TENM1: variants seen among roughly 807,000 people sequenced by gnomAD.
TENM1 encodes the protein teneurin transmembrane protein 1.
In TENM1, 35 loss-of-function variants were observed where a neutral mutation model predicts 174.8. The observed-to-expected ratio is 0.20, with a 90% CI of 0.15 to 0.27. The LOEUF (loss-of-function observed/expected upper bound fraction) is 0.27, where lower values mean the gene tolerates loss of function less well. TENM1 is among the 10% of genes least tolerant of loss of function. TENM1 has a pLI of 1.00. For synonymous variants in TENM1, 781 were observed against 798.7 expected, an observed-to-expected ratio of 0.98 and a Z score of 0.37; for missense variants, 1,633 against 2,130.1, an observed-to-expected ratio of 0.77 and a Z score of 4.59.
chrX:124,789,959 G>A (rs1432307737), intron 3 of TENM1, among the ~76,000 whole-genome samples: 1 of 111,721 alleles, frequency 9.0e-6, no homozygotes, highest in East Asian at 2.8e-4. Context: ...ACCCAAGACT[G>A]GGCAATTTAC....
chrX:124,833,309 G>T (rs1301932380), intron 3 of TENM1, among the ~76,000 whole-genome samples: 1 of 112,124 alleles, frequency 8.9e-6, no homozygotes, highest in Non-Finnish European at 1.9e-5. Context: ...TGCCCAGAAA[G>T]ATAATGAGTT....
chrX:125,164,898 A>G, the TENM1 span, among the ~76,000 whole-genome samples: 2 of 111,636 alleles, frequency 1.8e-5, no homozygotes, highest in Non-Finnish European at 3.8e-5. Flanking sequence ...GAAAAGGAAT[A>G]TGGCTTACAT....
At chrX:124,909,470 A>C (rs953769584) in intron 1 of TENM1, among the ~76,000 whole-genome samples, 3 of 112,019 alleles carry the variant, frequency 2.7e-5, no homozygotes, top group Non-Finnish European at 3.8e-5. Flanking sequence ...CAGCCAGGAG[A>C]CAATGGGCAC....
rs775808574 is a variant in TENM1 at position 124,963,516 on chromosome X, A to G, written c.217+21T>C. ...TCTAATGAGAAATAATATTTGTTAT[A>G]AAGATCCAATAAAAACATACCTTGA... On this transcript the variant is annotated intron_variant, in intron 1 of 31. Coordinates refer to ENST00000422452, the Ensembl canonical transcript of TENM1. 4.5e-5 allele frequency: 51 copies of G among 1,137,599 alleles called. No homozygotes were observed. The Admixed American group carries it at 1.1e-3, about 25-fold the overall frequency. 93.8% of individuals were successfully genotyped at this position (1,137,599 alleles called of 1,213,427 possible).
chrX:124,991,057 A>T, the TENM1 span, among the ~76,000 whole-genome samples: 1 of 111,907 alleles, frequency 8.9e-6, no homozygotes, highest in Non-Finnish European at 1.9e-5. Flanking sequence ...GATTTCCTAT[A>T]GACAGACTGA....
At chrX:124,644,756 C>T (rs7063706) in intron 10 of TENM1, among the ~76,000 whole-genome samples, 12,556 of 110,544 alleles carry the variant, frequency 0.11, 1,510 homozygotes, top group African/African-American at 0.36. Flanking sequence ...TGGCTGCAAA[C>T]GTGCATATAT....
intron 3 of TENM1, among the ~76,000 whole-genome samples, chrX:124,881,727 T>TG (rs776877980): frequency 3.7e-5 from 4 of 107,386 alleles, no homozygotes; most frequent in Non-Finnish European, 7.6e-5. Context: ...TTGTTGTTGT[T>TG]TTGTTTTGTT....
chrX:124,676,933 CTT>C (rs1435639905), intron 5 of TENM1, among the ~76,000 whole-genome samples: 2 of 108,350 alleles, frequency 1.8e-5, no homozygotes, highest in African/African-American at 6.7e-5. Context: ...TGCTGAATAA[CTT>C]AGGCCTATGC....
intron 1 of TENM1, among the ~76,000 whole-genome samples, chrX:124,913,255 A>G (rs982755738): frequency 4.5e-5 from 5 of 111,448 alleles, no homozygotes; most frequent in Non-Finnish European, 9.4e-5. Flanking sequence ...CCTCTCCCCA[A>G]GCTCTTCATA....
the TENM1 span, among the ~76,000 whole-genome samples, chrX:125,165,667 A>C: frequency 9.0e-6 from 1 of 111,728 alleles, no homozygotes; most frequent in African/African-American, 3.3e-5. Context: ...CATTATGCTA[A>C]CTTCTTAACC....
chrX:124,647,730 GGTGTGTGTGT>G (rs113751818), intron 8 of TENM1, among the ~76,000 whole-genome samples: 2 of 103,894 alleles, frequency 1.9e-5, no homozygotes, highest in Admixed American at 1.0e-4. Context: ...TTTTTTTTGT[GGTGTGTGTGT>G]GTGTGTGTGT....
At chrX:124,756,908 G>T (rs775983824) in intron 3 of TENM1, among the ~76,000 whole-genome samples, 2 of 111,938 alleles carry the variant, frequency 1.8e-5, no homozygotes, top group Non-Finnish European at 3.8e-5. Context: ...CTACTGGGGG[G>T]TGCCTCCCAG....
chrX:124,990,039 A>G, the TENM1 span, among the ~76,000 whole-genome samples: 1 of 111,796 alleles, frequency 8.9e-6, no homozygotes, highest in African/African-American at 3.2e-5. Context: ...TGTCTCAGAA[A>G]GTTGAACTTG....
chrX:124,993,812 A>G, the TENM1 span, among the ~76,000 whole-genome samples: 1 of 106,839 alleles, frequency 9.4e-6, no homozygotes, highest in Non-Finnish European at 1.9e-5. Context: ...ATACGTGTGC[A>G]TGCACACACA....
chrX:124,523,919 G>A (rs1351116507), intron 16 of TENM1, among the ~76,000 whole-genome samples: 3 of 101,677 alleles, frequency 3.0e-5, no homozygotes, highest in African/African-American at 1.1e-4. Flanking sequence ...TGTCACCCCA[G>A]GCTGGAGTGC....
At chrX:124,952,336 GT>G (rs1408195146) in intron 1 of TENM1, among the ~76,000 whole-genome samples, 23 of 42,923 alleles carry the variant, frequency 5.4e-4, no homozygotes, top group African/African-American at 4.5e-3. Flanking sequence ...TATGTATGGG[GT>G]GTGTGTGTGT....
At chrX:124,658,871 C>T (rs1165253660) in intron 6 of TENM1, among the ~76,000 whole-genome samples, 2 of 111,912 alleles carry the variant, frequency 1.8e-5, no homozygotes, top group African/African-American at 6.5e-5. Flanking sequence ...TGCATTTTGA[C>T]TCTGTATATC....
chrX:124,592,500 A>G (rs1467363307), intron 11 of TENM1, among the ~76,000 whole-genome samples: 1 of 105,477 alleles, frequency 9.5e-6, no homozygotes, highest in African/African-American at 3.5e-5. Context: ...TAGTAGTACA[A>G]TCTCAGTTCA....
At chrX:124,945,038 TG>T (rs1569485998) in intron 1 of TENM1, among the ~76,000 whole-genome samples, 1 of 110,690 alleles carries the variant, frequency 9.0e-6, no homozygotes, top group Non-Finnish European at 1.9e-5. Flanking sequence ...ATAAGCACTA[TG>T]GAAAGAAAAA....
Sources: allele counts gnomAD v4.1 joint callset (sites outside exome capture counted in the v4.1 genomes callset), GRCh38; gene constraint gnomAD v4.1.1; transcripts MANE v1.5; gene names NCBI Gene and HGNC (gene_info 2026-07-23, HGNC 2026-07-21).